Variants in IQCM observed in about 807,000 individuals in gnomAD.
The protein encoded by IQCM is IQ motif containing M.
IQCM carries 45 observed loss-of-function variants against 57.6 expected under a neutral mutation model. The observed-to-expected ratio is 0.78, with a 90% CI of 0.62 to 1.00. The LOEUF (loss-of-function observed/expected upper bound fraction) is 1.00. Ranked by LOEUF, IQCM falls within the 50% of genes least tolerant of loss-of-function variation. The probability of loss-of-function intolerance (pLI) is 0.00; values close to 1 mark genes in which losing one functional copy is unlikely to be tolerated. For missense variants in IQCM, 468 were observed against 511.6 expected (o/e 0.91, Z 0.82); for synonymous variants, 148 against 158.9 (o/e 0.93, Z 0.51).
intron 12 of IQCM, among the ~76,000 whole-genome samples, chr4:149,496,040 G>C (rs1009418464): frequency 1.3e-5 from 2 of 152,034 alleles, no homozygotes; most frequent in Non-Finnish European, 2.9e-5. Flanking sequence ...TCTGCAACTG[G>C]GCAGTTTCCA....
At chr4:149,712,659 A>G (rs1429440243) in intron 5 of IQCM, among the ~76,000 whole-genome samples, 1 of 152,168 alleles carries the variant, frequency 6.6e-6, no homozygotes, top group Non-Finnish European at 1.5e-5. Context: ...TCTAGCATAG[A>G]GTACAGATTA....
chr4:149,432,425 G>A (rs1018590379), intron 13 of IQCM, among the ~76,000 whole-genome samples: 1 of 151,864 alleles, frequency 6.6e-6, no homozygotes, highest in African/African-American at 2.4e-5. Flanking sequence ...AAATACCTCT[G>A]TTGGAAAGTT....
At chr4:149,685,660 C>T (rs562743917) in intron 6 of IQCM, among the ~76,000 whole-genome samples, 1 of 151,544 alleles carries the variant, frequency 6.6e-6, no homozygotes, top group Non-Finnish European at 1.5e-5. Flanking sequence ...AAATTTCTGA[C>T]CATGTTATAA....
chr4:149,556,496 C>A (rs1349535102), intron 10 of IQCM, among the ~76,000 whole-genome samples: 1 of 151,984 alleles, frequency 6.6e-6, no homozygotes, highest in Non-Finnish European at 1.5e-5. Context: ...AAAAAAGATT[C>A]TATAGACCTA....
At chr4:149,594,093 A>T (rs1753511735) in intron 8 of IQCM, among the ~76,000 whole-genome samples, 1 of 151,930 alleles carries the variant, frequency 6.6e-6, no homozygotes, top group African/African-American at 2.4e-5. Context: ...GTCCCGGACT[A>T]TTTTTGATTG....
At chr4:149,436,478 C>T (rs1735376459) in intron 12 of IQCM, among the ~76,000 whole-genome samples, 2 of 152,088 alleles carry the variant, frequency 1.3e-5, no homozygotes, top group South Asian at 4.1e-4. Flanking sequence ...TAGAGTCTTG[C>T]TAATTCCCCA....
At position 149,716,242 on chromosome 4, in the gene IQCM, G is replaced by A. The variant is rs1202325854; in HGVS notation, c.385+17002C>T. ...CCCCCTTGGCCTCCGTCCCATGCTT[G>A]TTGGTGCCCAAAGTTTGGAGGAGGC... On this transcript the variant is annotated intron_variant, in intron 5 of 13. Coordinates refer to ENST00000636793, the MANE Select transcript of IQCM (RefSeq NM_001363507.2). Among the ~76,000 whole-genome samples, 4 of 152,354 alleles carry A rather than the reference G, an allele frequency of 2.6e-5. No individual in the cohort carries two copies. In the East Asian group the frequency reaches 5.8e-4, roughly 22 times the overall value.
At chr4:149,688,541 A>G (rs891548275) in intron 5 of IQCM, among the ~76,000 whole-genome samples, 1 of 152,082 alleles carries the variant, frequency 6.6e-6, no homozygotes, top group African/African-American at 2.4e-5. Context: ...AGCAATCTAC[A>G]AATTCAACAC....
intron 5 of IQCM, among the ~76,000 whole-genome samples, chr4:149,694,515 A>G (rs1763189118): frequency 6.6e-6 from 1 of 152,052 alleles, no homozygotes; most frequent in African/African-American, 2.4e-5. Context: ...CCTGACCTTC[A>G]TAAAGAATCC....
chr4:149,617,331 G>C (rs764673676), intron 8 of IQCM, among the ~76,000 whole-genome samples: 1 of 151,996 alleles, frequency 6.6e-6, no homozygotes, highest in Non-Finnish European at 1.5e-5. Context: ...TATAGGTGTT[G>C]GTATTTTAAA....
At chr4:149,809,772 A>T (rs1774390650) in intron 2 of IQCM, among the ~76,000 whole-genome samples, 1 of 152,216 alleles carries the variant, frequency 6.6e-6, no homozygotes, top group African/African-American at 2.4e-5. Context: ...TATTTTGATC[A>T]TAAAGCATCT....
At chr4:149,522,781 A>C (rs974024660) in intron 12 of IQCM, among the ~76,000 whole-genome samples, 1 of 152,198 alleles carries the variant, frequency 6.6e-6, no homozygotes, top group Non-Finnish European at 1.5e-5. Flanking sequence ...TGCTTGAATT[A>C]ATCCAAACTT....
At chr4:149,422,159 A>G (rs893072870) in intron 13 of IQCM, among the ~76,000 whole-genome samples, 1 of 152,040 alleles carries the variant, frequency 6.6e-6, no homozygotes, top group African/African-American at 2.4e-5. Flanking sequence ...ATTTACATCT[A>G]ATAAGTATCA....
intron 7 of IQCM, among the ~76,000 whole-genome samples, chr4:149,670,839 G>A (rs901513198): frequency 4.6e-5 from 7 of 152,046 alleles, no homozygotes; most frequent in Non-Finnish European, 1.0e-4. Flanking sequence ...ATTCTATCAT[G>A]GTGGATAAAT....
At chr4:149,419,149 T>A (rs752965254) in intron 13 of IQCM, among the ~76,000 whole-genome samples, 21 of 152,076 alleles carry the variant, frequency 1.4e-4, no homozygotes, top group Non-Finnish European at 2.8e-4. Flanking sequence ...ATTTTAAAAT[T>A]CATATGGAAC....
intron 2 of IQCM, among the ~76,000 whole-genome samples, chr4:149,755,876 G>A (rs966011361): frequency 1.3e-5 from 2 of 152,094 alleles, no homozygotes; most frequent in African/African-American, 4.8e-5. Flanking sequence ...TACCCGCCAT[G>A]CAATCCTCTA....
chr4:149,375,022 T>C (rs1254393983), intron 13 of IQCM, among the ~76,000 whole-genome samples: 1 of 150,718 alleles, frequency 6.6e-6, no homozygotes, highest in African/African-American at 2.4e-5. Context: ...TGTTCTTTAT[T>C]AGCAAAATTT....
intron 13 of IQCM, among the ~76,000 whole-genome samples, chr4:149,423,235 G>A (rs1734235363): frequency 6.6e-6 from 1 of 151,986 alleles, no homozygotes; most frequent in African/African-American, 2.4e-5. Flanking sequence ...GGAAGGGGAA[G>A]CAGGCACCTT....
chr4:149,800,971 GA>G (rs373663959), intron 2 of IQCM, among the ~76,000 whole-genome samples: 25 of 151,554 alleles, frequency 1.6e-4, no homozygotes, highest in Non-Finnish European at 2.8e-4. Context: ...CACAGAAATA[GA>G]AAAAAAATTC....
Sources: gnomAD v4.1 joint callset for allele counts (sites outside exome capture counted in the v4.1 genomes callset) on GRCh38, gnomAD v4.1.1 for gene constraint, MANE v1.5 for transcripts, NCBI Gene and HGNC (gene_info 2026-07-23, HGNC 2026-07-21) for gene names.